NLGN1: variants seen among roughly 807,000 people sequenced by gnomAD.
The protein encoded by NLGN1 is neuroligin-1.
Under a neutral mutation model 65.5 loss-of-function variants are expected in NLGN1, and 12 were observed. The observed-to-expected ratio is 0.18, with a 90% confidence interval of 0.12 to 0.30. The LOEUF (loss-of-function observed/expected upper bound fraction) is 0.30. Among genes scored for constraint, NLGN1 ranks in the 10% least tolerant of loss-of-function variants. The pLI, the probability that NLGN1 is intolerant of heterozygous loss-of-function variation, is 1.00. For synonymous variants in NLGN1, 350 were observed against 359.5 expected (o/e 0.97, Z 0.30); for missense variants, 750 against 1,007.1 (o/e 0.74, Z 3.46).
At chr3:174,008,460 C>A (rs984961380) in intron 4 of NLGN1, among the ~76,000 whole-genome samples, 3 of 150,686 alleles carry the variant, frequency 2.0e-5, no homozygotes, top group Non-Finnish European at 4.4e-5. Flanking sequence ...CCCATTGCTT[C>A]CCAGCCCACC....
intron 4 of NLGN1, among the ~76,000 whole-genome samples, chr3:174,238,640 G>A (rs1016568410): frequency 2.0e-5 from 3 of 152,178 alleles, no homozygotes; most frequent in Non-Finnish European, 4.4e-5. Context: ...GATTAAAGGC[G>A]TGAGACACCG....
intron 4 of NLGN1, among the ~76,000 whole-genome samples, chr3:174,081,198 A>G (rs1227388516): frequency 6.6e-6 from 1 of 152,124 alleles, no homozygotes; most frequent in Non-Finnish European, 1.5e-5. Flanking sequence ...GTTGGTGTGC[A>G]TTGGAGGGAG....
chr3:173,804,007 G>A (rs1406142322), intron 3 of NLGN1, among the ~76,000 whole-genome samples: 1 of 152,130 alleles, frequency 6.6e-6, no homozygotes, highest in Non-Finnish European at 1.5e-5. Context: ...ATTAATGGAA[G>A]TTGTAATTTC....
chr3:173,438,511 C>T (rs1718562794), intron 2 of NLGN1, among the ~76,000 whole-genome samples: 1 of 152,046 alleles, frequency 6.6e-6, no homozygotes, highest in Non-Finnish European at 1.5e-5. Context: ...CTTTTTTAAA[C>T]AGTATGCAAT....
At chr3:173,985,386 A>G (rs1423486467) in intron 4 of NLGN1, among the ~76,000 whole-genome samples, 1 of 152,086 alleles carries the variant, frequency 6.6e-6, no homozygotes, top group Non-Finnish European at 1.5e-5. Flanking sequence ...TGGGTCTCAA[A>G]AGCTATGCAA....
At chr3:174,148,255 T>A (rs1723706456) in intron 4 of NLGN1, among the ~76,000 whole-genome samples, 2 of 152,186 alleles carry the variant, frequency 1.3e-5, no homozygotes, top group African/African-American at 4.8e-5. Flanking sequence ...AGGTTTCTGT[T>A]CAGTTTTAGT....
At chr3:173,923,723 T>C (rs1742491314) in intron 4 of NLGN1, among the ~76,000 whole-genome samples, 1 of 152,136 alleles carries the variant, frequency 6.6e-6, no homozygotes, top group Non-Finnish European at 1.5e-5. Flanking sequence ...TTTAAAATAT[T>C]GGTGATTGTA....
At chr3:173,620,882 G>A (rs939349289) in intron 3 of NLGN1, among the ~76,000 whole-genome samples, 9 of 152,134 alleles carry the variant, frequency 5.9e-5, no homozygotes, top group Non-Finnish European at 1.3e-4. Context: ...AAATCATTTA[G>A]TTGTAGTGGA....
chr3:173,753,533 C>T (rs919389505), intron 3 of NLGN1, among the ~76,000 whole-genome samples: 5 of 152,138 alleles, frequency 3.3e-5, no homozygotes, highest in Non-Finnish European at 7.4e-5. Flanking sequence ...ACTAAATCCA[C>T]CCTGGATGAA....
chr3:173,842,248 T>C (rs539382600), intron 4 of NLGN1, among the ~76,000 whole-genome samples: 1 of 152,172 alleles, frequency 6.6e-6, no homozygotes, highest in Non-Finnish European at 1.5e-5. Context: ...GTTTCTCCCA[T>C]GACATGTGGG....
At chr3:174,117,546 G>A (rs557832696) in intron 4 of NLGN1, among the ~76,000 whole-genome samples, 2 of 151,916 alleles carry the variant, frequency 1.3e-5, no homozygotes, top group African/African-American at 2.4e-5. Context: ...GCGTGAACCC[G>A]GGAGGCGGAG....
chr3:173,675,654 T>C (rs1452572777), intron 3 of NLGN1, among the ~76,000 whole-genome samples: 1 of 152,008 alleles, frequency 6.6e-6, no homozygotes, highest in African/African-American at 2.4e-5. Flanking sequence ...TAAGATAATT[T>C]TGTGGTTGCT....
chr3:174,021,187 A>G lies in NLGN1; in HGVS notation c.646+213355A>G, dbSNP rs866966846. Among the ~76,000 whole-genome samples, 9 of 152,082 alleles carry G rather than the reference A, an allele frequency of 5.9e-5. No individual in the cohort carries two copies. In the Middle Eastern group the frequency reaches 0.01, roughly 172 times the overall value. ...AACAAGATTGTGCGGAAAGAGAAAT[A>G]TATTAGTGCTCCAGCCAGCTAAATA... On this transcript the variant is annotated intron_variant, in intron 4 of 6. Transcript: ENST00000457714.
intron 4 of NLGN1, among the ~76,000 whole-genome samples, chr3:173,826,122 C>A (rs1443196340): frequency 1.3e-5 from 2 of 151,976 alleles, no homozygotes; most frequent in African/African-American, 4.8e-5. Context: ...CAACATTCTG[C>A]TGCAGGAATA....
intron 2 of NLGN1, among the ~76,000 whole-genome samples, chr3:173,547,005 C>G (rs1202792256): frequency 6.6e-6 from 1 of 152,112 alleles, no homozygotes. Flanking sequence ...TGCTTACTCC[C>G]TGGAGGAACC....
At chr3:173,489,052 A>G (rs917301200) in intron 2 of NLGN1, among the ~76,000 whole-genome samples, 3 of 148,502 alleles carry the variant, frequency 2.0e-5, no homozygotes, top group Non-Finnish European at 4.5e-5. Context: ...CTCCTTTCTC[A>G]GCCTTTTTCT....
intron 3 of NLGN1, among the ~76,000 whole-genome samples, chr3:173,753,044 C>T (rs972658084): frequency 2.0e-5 from 3 of 152,052 alleles, no homozygotes; most frequent in African/African-American, 7.2e-5. Flanking sequence ...ACATTCTACC[C>T]ACCCGTCTTT....
chr3:173,871,536 A>ATGGAAATAT (rs1168982371), intron 4 of NLGN1, among the ~76,000 whole-genome samples: 2 of 152,224 alleles, frequency 1.3e-5, no homozygotes, highest in African/African-American at 4.8e-5. Flanking sequence ...TGTTACTTGA[A>ATGGAAATAT]TGGAAATATT....
intron 4 of NLGN1, among the ~76,000 whole-genome samples, chr3:174,115,048 T>A (rs1054227689): frequency 6.6e-6 from 1 of 152,202 alleles, no homozygotes; most frequent in African/African-American, 2.4e-5. Flanking sequence ...AACAAAGGAC[T>A]GTTGACTATG....
Sources: gnomAD v4.1 joint callset for allele counts (sites outside exome capture counted in the v4.1 genomes callset) on GRCh38, gnomAD v4.1.1 for gene constraint, MANE v1.5 for transcripts, NCBI Gene and HGNC (gene_info 2026-07-23, HGNC 2026-07-21) for gene names.